Variants in FAF2 observed in about 807,000 individuals in gnomAD.
The protein encoded by FAF2 is Fas associated factor family member 2, also known as FAS-associated factor 2.
FAF2 carries 9 observed loss-of-function variants against 62.3 expected under a neutral mutation model. The ratio of observed to expected loss-of-function variants is 0.14; its 90% CI spans 0.09 to 0.25. The LOEUF is 0.25. Ranked by LOEUF, FAF2 falls within the 10% of genes least tolerant of loss-of-function variation. FAF2 has a pLI of 1.00. For synonymous variants in FAF2, 202 were observed against 198.0 expected (o/e 1.02, Z -0.17); for missense variants, 368 against 556.2 (o/e 0.66, Z 3.40).
In FAF2 at chr5:176,499,095, G is replaced by T. The variant is rs534072168; in HGVS notation, c.1011+10G>T. The T allele has an allele frequency of 1.3e-6, 2 of 1,562,666 alleles. No homozygotes were observed. The highest frequency in any genetic ancestry group is 1.9e-5 in the Admixed American group (1 of 52,018). ...GGAGAGACGGCGGCAGGTAATGGACGTGTGGCTTTACTCCCTGTGGTTCCC... is the reference window on the plus strand; with the variant it reads ...GGAGAGACGGCGGCAGGTAATGGACTTGTGGCTTTACTCCCTGTGGTTCCC... On this transcript the variant is annotated intron_variant, in intron 9 of 10. Coordinates refer to ENST00000261942, the MANE Select transcript of FAF2 (RefSeq NM_014613.3).
chr5:176,502,804 C>T (rs1581077263), intron 10 of FAF2, among the ~76,000 whole-genome samples: 2 of 152,124 alleles, frequency 1.3e-5, no homozygotes, highest in Middle Eastern at 3.4e-3. Context: ...AATCCCAGCA[C>T]TTTGGGGGGC....
intron 5 of FAF2, 33 bp downstream of exon 5, chr5:176,492,365 A>G (rs751258009): frequency 6.3e-7 from 1 of 1,589,634 alleles, no homozygotes; most frequent in East Asian, 2.2e-5. Context: ...ATGCCAACTT[A>G]CCGAAATGAT....
intron 1 of FAF2, among the ~76,000 whole-genome samples, chr5:176,467,944 C>T (rs1034269770): frequency 3.9e-5 from 6 of 152,146 alleles, no homozygotes; most frequent in African/African-American, 1.4e-4. Flanking sequence ...GGTGGCAGAT[C>T]ACCTGAGGTC....
chr5:176,458,958 T>C (rs1293288285), intron 1 of FAF2, among the ~76,000 whole-genome samples: 1 of 152,164 alleles, frequency 6.6e-6, no homozygotes, highest in East Asian at 1.9e-4. Context: ...GATAAGTTCC[T>C]TGAAGGACTT....
intron 1 of FAF2, among the ~76,000 whole-genome samples, chr5:176,474,324 A>C (rs1331558553): frequency 6.6e-6 from 1 of 152,198 alleles, no homozygotes; most frequent in Non-Finnish European, 1.5e-5. Context: ...ATACATATGC[A>C]GATATAGTGG....
chr5:176,478,771 C>G (rs1758743163), intron 1 of FAF2, among the ~76,000 whole-genome samples: 1 of 152,170 alleles, frequency 6.6e-6, no homozygotes, highest in African/African-American at 2.4e-5. Context: ...TGAGACATGT[C>G]AGCACTCAAA....
chr5:176,462,802 C>T (rs372286654), intron 1 of FAF2, among the ~76,000 whole-genome samples: 3 of 151,932 alleles, frequency 2.0e-5, no homozygotes, highest in East Asian at 3.9e-4. Flanking sequence ...TGATTTCAAG[C>T]TATTTTGAAA....
Position 176,448,447 on chromosome 5 carries a change from A to G in FAF2, c.40A>G (p.Thr14Ala). 6.2e-7 allele frequency: 1 copy of G among 1,605,888 alleles called. No individual in the cohort carries two copies. Among genetic ancestry groups the G allele is most frequent in the Non-Finnish European group, 8.5e-7 (1 of 1,176,490 alleles). Residue 14 changes from threonine (T) to alanine (A), a missense_variant, in exon 1 of 11, where the codon ACA becomes GCA. Transcript: ENST00000261942. ...PEERDLTQEQ[T>A]EKLLQFQDLT... ...GGAGCGGGATCTAACCCAGGAGCAG[A>G]CAGAGAAGCTGCTGCAGTTTCAGGT...
chr5:176,505,055 G>A (rs948567609), intron 10 of FAF2, among the ~76,000 whole-genome samples: 7 of 151,300 alleles, frequency 4.6e-5, no homozygotes, highest in Non-Finnish European at 1.0e-4. Context: ...CCCTAGAGCA[G>A]TAAGTTTAAG....
chr5:176,479,106 C>T lies in FAF2; in HGVS notation c.64-82C>T, dbSNP rs1758748504. Reference sequence around the variant, plus strand: ...CTTTTAACATTTTTTAGTGTATTTTCCTAGCAGTATATGGCGTAAAAATAC... The same window carrying T: ...CTTTTAACATTTTTTAGTGTATTTTTCTAGCAGTATATGGCGTAAAAATAC... On this transcript the variant is annotated intron_variant, in intron 1 of 10. Transcript: ENST00000261942. 16 of 1,066,238 alleles carry T rather than the reference C, an allele frequency of 1.5e-5. No individual in the cohort carries two copies. The Admixed American group carries it at 2.7e-4, about 18-fold the overall frequency. 66.0% of individuals were successfully genotyped at this position (1,066,238 alleles called of 1,614,324 possible). A position where few individuals can be genotyped will look rare whatever the true frequency, so the allele number is the denominator to read the frequency against.
chr5:176,490,320 A>AG (rs960913776), intron 4 of FAF2, among the ~76,000 whole-genome samples: 3 of 151,760 alleles, frequency 2.0e-5, no homozygotes, highest in African/African-American at 4.8e-5. Flanking sequence ...CAAAAAAAAA[A>AG]AAAAGAAAAA....
At chr5:176,500,174 G>A (rs908265642) in intron 10 of FAF2, 28 bp downstream of exon 10, 3 of 1,610,518 alleles carry the variant, frequency 1.9e-6, no homozygotes, top group African/African-American at 1.3e-5. Context: ...TCTGTGAAGT[G>A]TATGTAGCAT....
At chr5:176,500,263 G>C in intron 10 of FAF2, 117 bp downstream of exon 10, 1 of 322,062 alleles carries the variant, frequency 3.1e-6, no homozygotes, top group Non-Finnish European at 5.1e-6. Flanking sequence ...ACAGGGAACA[G>C]AGAGAGAGAG....
intron 9 of FAF2, among the ~76,000 whole-genome samples, chr5:176,499,574 G>A (rs1201509282): frequency 3.3e-5 from 5 of 151,184 alleles, no homozygotes; most frequent in Non-Finnish European, 5.9e-5. Flanking sequence ...ATGTATTACC[G>A]CTTACCTATA....
chr5:176,477,041 T>G (rs1385145318), intron 1 of FAF2, among the ~76,000 whole-genome samples: 1 of 148,430 alleles, frequency 6.7e-6, no homozygotes, highest in Admixed American at 6.7e-5. Flanking sequence ...ATCTCCTGAC[T>G]TCGTGATCCG....
chr5:176,452,251 T>G (rs1758201230), intron 1 of FAF2, among the ~76,000 whole-genome samples: 1 of 151,962 alleles, frequency 6.6e-6, no homozygotes, highest in African/African-American at 2.4e-5. Flanking sequence ...ACAGACAAGG[T>G]TTCCCCGTGT....
chr5:176,473,478 T>C (rs1379586124), intron 1 of FAF2, among the ~76,000 whole-genome samples: 2 of 152,176 alleles, frequency 1.3e-5, no homozygotes, highest in East Asian at 1.9e-4. Context: ...TGCAGTAGCG[T>C]TGGTCAGGTT....
At chr5:176,503,490 G>T (rs1339315825) in intron 10 of FAF2, among the ~76,000 whole-genome samples, 1 of 151,324 alleles carries the variant, frequency 6.6e-6, no homozygotes, top group African/African-American at 2.4e-5. Context: ...GGGAGGCGGA[G>T]GTTGCAGTGA....
intron 1 of FAF2, among the ~76,000 whole-genome samples, chr5:176,460,675 G>A (rs114460551): frequency 0.013 from 1,935 of 152,068 alleles, 44 homozygotes; most frequent in African/African-American, 0.044. Flanking sequence ...GTCTGAGGCG[G>A]GTGTGATGGC....
Sources: gnomAD v4.1 joint callset for allele counts (sites outside exome capture counted in the v4.1 genomes callset) on GRCh38, gnomAD v4.1.1 for gene constraint, MANE v1.5 for transcripts, NCBI Gene and HGNC (gene_info 2026-07-23, HGNC 2026-07-21) for gene names.